KCNK13: variants seen among roughly 807,000 people sequenced by gnomAD.
The protein encoded by KCNK13 is potassium two pore domain channel subfamily K member 13.
In KCNK13, 12 loss-of-function variants were observed where a neutral mutation model predicts 23.4. The ratio of observed to expected loss-of-function variants is 0.51; its 90% confidence interval spans 0.33 to 0.83. KCNK13 has a LOEUF of 0.83. Ranked by LOEUF, KCNK13 falls within the 40% of genes least tolerant of loss-of-function variation. KCNK13 has a pLI of 0.02. For missense variants in KCNK13, 463 were observed against 556.3 expected, an observed-to-expected ratio of 0.83 and a Z score of 1.69; for synonymous variants, 231 against 229.5, an observed-to-expected ratio of 1.01 and a Z score of -0.06.
At chr14:90,151,545 G>A (rs941319475) in intron 1 of KCNK13, among the ~76,000 whole-genome samples, 4 of 152,136 alleles carry the variant, frequency 2.6e-5, no homozygotes, top group Non-Finnish European at 4.4e-5. Flanking sequence ...CATATCAGAT[G>A]TATGGAATAG....
At chr14:90,080,887 T>C (rs1245847964) in intron 1 of KCNK13, among the ~76,000 whole-genome samples, 1 of 152,160 alleles carries the variant, frequency 6.6e-6, no homozygotes, top group East Asian at 1.9e-4. Flanking sequence ...CAGAGTCTCC[T>C]CTGTTGTGGG....
rs1888949963 is a variant in KCNK13, at chr14:90,062,191, C to G, written c.-15C>G. 2.6e-5 allele frequency: 36 copies of G among 1,383,384 alleles called. No homozygotes were observed. The highest frequency in any genetic ancestry group is 3.4e-5 in the Non-Finnish European group (36 of 1,072,718). 85.7% of individuals were successfully genotyped at this position (1,383,384 alleles called of 1,614,324 possible). The stretch of plus-strand genomic sequence containing the variant: ...CGGTGCCGTGGGCCTGGGGGCTGCC[C>G]CCGGGGGCCCGGCCATGGCTGGCCG... On this transcript the variant is annotated 5_prime_UTR_variant, in exon 1 of 2. Transcript: ENST00000282146. This position sits in a 1 kb window ranked among gnomAD's most constrained non-coding sequence, Gnocchi z 4.5.
intron 1 of KCNK13, among the ~76,000 whole-genome samples, chr14:90,082,526 A>G (rs1252386194): frequency 6.6e-6 from 1 of 152,186 alleles, no homozygotes; most frequent in Non-Finnish European, 1.5e-5. Context: ...GGAATCATAC[A>G]ACATGTGGGC....
chr14:90,072,486 C>T (rs1329182939), intron 1 of KCNK13, among the ~76,000 whole-genome samples: 1 of 152,132 alleles, frequency 6.6e-6, no homozygotes, highest in African/African-American at 2.4e-5. Flanking sequence ...GGTGGAGTCC[C>T]CCAGTTGAAG....
At chr14:90,066,094 G>A (rs1889004991) in intron 1 of KCNK13, among the ~76,000 whole-genome samples, 1 of 151,686 alleles carries the variant, frequency 6.6e-6, no homozygotes, top group Non-Finnish European at 1.5e-5. Context: ...TTCCCAAGTA[G>A]CTGGGATTAC....
At chr14:90,111,412 T>A (rs908597802) in intron 1 of KCNK13, among the ~76,000 whole-genome samples, 2 of 152,206 alleles carry the variant, frequency 1.3e-5, no homozygotes, top group Non-Finnish European at 2.9e-5. Context: ...CCTCTCCTTA[T>A]TGGCTCTAGG....
chr14:90,080,470 A>G (rs1456291097), intron 1 of KCNK13, among the ~76,000 whole-genome samples: 1 of 152,012 alleles, frequency 6.6e-6, no homozygotes, highest in East Asian at 1.9e-4. Flanking sequence ...AAATAAATAA[A>G]TACATTTAAA....
intron 1 of KCNK13, among the ~76,000 whole-genome samples, chr14:90,116,305 T>C (rs1257688800): frequency 3.9e-5 from 6 of 152,188 alleles, no homozygotes; most frequent in Non-Finnish European, 8.8e-5. Flanking sequence ...TGGATGTCAC[T>C]AAGTCACCAA....
chr14:90,183,935 A>G (rs1033078617), intron 1 of KCNK13, among the ~76,000 whole-genome samples, 176 bp from the exon 2 acceptor site: 1 of 152,194 alleles, frequency 6.6e-6, no homozygotes, highest in African/African-American at 2.4e-5. Flanking sequence ...AGCTCTGAAC[A>G]ACACTTAGTG....
chr14:90,120,788 A>G (rs1659139175), intron 1 of KCNK13, among the ~76,000 whole-genome samples: 1 of 152,136 alleles, frequency 6.6e-6, no homozygotes, highest in African/African-American at 2.4e-5. Flanking sequence ...TCAAAACACA[A>G]TCATGCCCTT....
chr14:90,145,675 A>T (rs1338938987), intron 1 of KCNK13, among the ~76,000 whole-genome samples: 2 of 151,958 alleles, frequency 1.3e-5, no homozygotes, highest in Admixed American at 6.6e-5. Flanking sequence ...ATTGATCCTT[A>T]CTGATTTTCT....
intron 1 of KCNK13, among the ~76,000 whole-genome samples, chr14:90,064,839 C>T (rs577436149): frequency 4.9e-4 from 74 of 152,276 alleles, no homozygotes; most frequent in Admixed American, 1.7e-3. Flanking sequence ...ACAGCACTGG[C>T]TAACCTTTAT....
chr14:90,178,231 CAAAAA>C lies in KCNK13; in HGVS notation c.335-5859_335-5855del, dbSNP rs34726346. Among the ~76,000 whole-genome samples, 312 of 75,090 alleles carry C rather than the reference CAAAAA, an allele frequency of 4.2e-3. 1 individual carries two copies. Among genetic ancestry groups the C allele is most frequent in the Middle Eastern group, 0.015 (1 of 66 alleles). The allele number at this position is 75,090 out of a possible 152,430, so 49.3% of individuals were successfully genotyped here. A position where few individuals can be genotyped will look rare whatever the true frequency, so the allele number is the denominator to read the frequency against. On this transcript the variant is annotated intron_variant, in intron 1 of 1. Coordinates refer to ENST00000282146, the MANE Select transcript of KCNK13 (RefSeq NM_022054.4). ...AATTTGGGAGACATATTCCTAAAAG[CAAAAA>C]AAAAAAAAAAAAAAAAAAAAGGATA...
chr14:90,148,411 G>A (rs930597298), intron 1 of KCNK13, among the ~76,000 whole-genome samples: 17 of 152,206 alleles, frequency 1.1e-4, no homozygotes, highest in African/African-American at 3.9e-4. Flanking sequence ...GGCCCAGAAG[G>A]GGAGAATAAC....
intron 1 of KCNK13, among the ~76,000 whole-genome samples, chr14:90,083,660 T>C (rs1889239151): frequency 6.6e-6 from 1 of 152,254 alleles, no homozygotes; most frequent in Non-Finnish European, 1.5e-5. Flanking sequence ...CACGATGTGA[T>C]GTATTCCCTC....
chr14:90,110,296 G>C (rs1889599625), intron 1 of KCNK13, among the ~76,000 whole-genome samples: 1 of 152,030 alleles, frequency 6.6e-6, no homozygotes, highest in Admixed American at 6.5e-5. Flanking sequence ...TGGATGACTT[G>C]AGGTCAGAAG....
chr14:90,067,198 G>A (rs182944985), intron 1 of KCNK13, among the ~76,000 whole-genome samples: 1 of 152,354 alleles, frequency 6.6e-6, no homozygotes, highest in Non-Finnish European at 1.5e-5. Context: ...GAACCTGGGA[G>A]GCAGAGGTTG....
Position 90,120,503 on chromosome 14 carries a change from C to T in KCNK13, c.334+57964C>T, listed in dbSNP as rs185340903. ...ATCATGGTGGAAGGGGAAGCAAACA[C>T]GTCCTTCTTCACATGGTGGCAGGAC... On this transcript the variant is annotated intron_variant, in intron 1 of 1. Coordinates refer to ENST00000282146, the MANE Select transcript of KCNK13 (RefSeq NM_022054.4). 1.7e-3 allele frequency among the ~76,000 whole-genome samples: 266 copies of T among 152,294 alleles called. 2 individuals are homozygous for T. Among genetic ancestry groups the T allele is most frequent in the African/African-American group, 6.3e-3 (262 of 41,544 alleles).
chr14:90,101,415 A>C (rs1247544867), intron 1 of KCNK13, among the ~76,000 whole-genome samples: 1 of 152,004 alleles, frequency 6.6e-6, no homozygotes, highest in East Asian at 1.9e-4. Flanking sequence ...CACATTCAGA[A>C]ATTCTCCCAT....
Sources: gnomAD v4.1 joint callset for allele counts (sites outside exome capture counted in the v4.1 genomes callset) on GRCh38, gnomAD v4.1.1 for gene constraint, Gnocchi (gnomAD v3.1) non-coding constraint, MANE v1.5 for transcripts, NCBI Gene and HGNC (gene_info 2026-07-23, HGNC 2026-07-21) for gene names.